The following HIP1 variants were observed in gnomAD, a reference collection of about 807,000 sequenced individuals.
HIP1 encodes the protein huntingtin-interacting protein 1.
In HIP1, 65 loss-of-function variants were observed where a neutral mutation model predicts 147.6. The ratio of observed to expected loss-of-function variants is 0.44; its 90% CI spans 0.36 to 0.54. The LOEUF is 0.54. Ranked by LOEUF, HIP1 falls within the 20% of genes least tolerant of loss-of-function variation. HIP1 has a pLI of 0.00. For synonymous variants in HIP1, 479 were observed against 504.0 expected, an observed-to-expected ratio of 0.95 and a Z score of 0.67; for missense variants, 1,061 against 1,299.6, an observed-to-expected ratio of 0.82 and a Z score of 2.82.
At chr7:75,553,715 C>A in intron 21 of HIP1, 126 bp from the exon 22 acceptor site, 1 of 827,282 alleles carries the variant, frequency 1.2e-6, no homozygotes. Context: ...AAGCGATTCT[C>A]CTGCCTCGGC....
chr7:75,658,531 C>A (rs1235391295), intron 1 of HIP1, among the ~76,000 whole-genome samples: 5 of 152,172 alleles, frequency 3.3e-5, no homozygotes, highest in African/African-American at 1.2e-4. Context: ...ATTTTGCGGG[C>A]AGGAAAGGAG....
intron 27 of HIP1, 23 bp from the exon 28 acceptor site, chr7:75,542,997 G>T (rs782818564): frequency 2.6e-5 from 41 of 1,603,822 alleles, no homozygotes; most frequent in Non-Finnish European, 3.4e-5. Context: ...AGCAGATTTA[G>T]GTTCATACAA....
At chr7:75,540,757 T>C (rs1399941618) in intron 29 of HIP1, among the ~76,000 whole-genome samples, 1 of 152,196 alleles carries the variant, frequency 6.6e-6, no homozygotes, top group Non-Finnish European at 1.5e-5. Context: ...CTATTTTACA[T>C]AATATGACTT....
chr7:75,563,177 G>A lies in HIP1; in HGVS notation c.879+11C>T, dbSNP rs1554494923. The A allele has an allele frequency of 1.2e-6, 2 of 1,614,046 alleles. No homozygotes were observed. The highest frequency in any genetic ancestry group is 4.5e-5 in the East Asian group (2 of 44,902). ...CTGCAGTGCCGAGGGTGTGTGGTTG[G>A]GCATGCTTACCTCAGGCAGCTGGGG... On this transcript the variant is annotated intron_variant, in intron 10 of 30. Coordinates refer to ENST00000336926, the MANE Select transcript of HIP1 (RefSeq NM_005338.7).
intron 1 of HIP1, among the ~76,000 whole-genome samples, chr7:75,629,265 G>A (rs1651217928): frequency 1.3e-5 from 2 of 152,124 alleles, no homozygotes; most frequent in South Asian, 2.1e-4. Flanking sequence ...GCATATCCAC[G>A]TCTGATTGTC....
chr7:75,732,750 TCAC>T (rs1406019684), intron 1 of HIP1, among the ~76,000 whole-genome samples: 2 of 152,292 alleles, frequency 1.3e-5, no homozygotes, highest in East Asian at 3.9e-4. Context: ...ATCCCAGAAC[TCAC>T]CTACTACAGA....
chr7:75,726,238 C>T (rs909981319), intron 1 of HIP1, among the ~76,000 whole-genome samples: 2 of 151,652 alleles, frequency 1.3e-5, no homozygotes, highest in African/African-American at 4.8e-5. Flanking sequence ...TAGACATTAT[C>T]CAATGTGGTT....
At chr7:75,716,658 T>C (rs1801331704) in intron 1 of HIP1, among the ~76,000 whole-genome samples, 1 of 151,810 alleles carries the variant, frequency 6.6e-6, no homozygotes, top group Admixed American at 6.6e-5. Context: ...TAGCTGGGAC[T>C]ATAGGCGCCC....
intron 1 of HIP1, among the ~76,000 whole-genome samples, chr7:75,684,022 G>A (rs149455793): frequency 2.7e-4 from 41 of 152,096 alleles, no homozygotes; most frequent in African/African-American, 9.6e-4. Flanking sequence ...GGTGGCTCAC[G>A]CATCCCAGCA....
intron 1 of HIP1, among the ~76,000 whole-genome samples, chr7:75,676,427 C>T (rs1295275471): frequency 1.3e-5 from 2 of 152,170 alleles, no homozygotes; most frequent in Non-Finnish European, 1.5e-5. Flanking sequence ...TGGGCACACA[C>T]GCAGCCAACA....
At chr7:75,572,716 T>C (rs1349912030) in intron 8 of HIP1, among the ~76,000 whole-genome samples, 1 of 152,156 alleles carries the variant, frequency 6.6e-6, no homozygotes, top group Non-Finnish European at 1.5e-5. Flanking sequence ...CTCCCTGTGC[T>C]CTTGAGGGTC....
intron 1 of HIP1, among the ~76,000 whole-genome samples, chr7:75,666,582 G>A (rs978144647): frequency 6.6e-6 from 1 of 152,222 alleles, no homozygotes; most frequent in African/African-American, 2.4e-5. Context: ...CCACTGCGTG[G>A]TCTTCTACAG....
At chr7:75,626,467 T>C (rs1554508021) in intron 1 of HIP1, 1 of 152,238 alleles carries the variant, frequency 6.6e-6, no homozygotes, top group Non-Finnish European at 1.5e-5. Flanking sequence ...ATTGACTGAA[T>C]GATACATGTC....
intron 5 of HIP1, among the ~76,000 whole-genome samples, chr7:75,584,740 C>T (rs969354947): frequency 1.3e-5 from 2 of 152,158 alleles, no homozygotes; most frequent in Non-Finnish European, 1.5e-5. Flanking sequence ...TCCCAGTCCT[C>T]TTCCTCCTTA....
intron 1 of HIP1, among the ~76,000 whole-genome samples, chr7:75,672,925 A>G (rs1554515513): frequency 6.6e-6 from 1 of 152,112 alleles, no homozygotes; most frequent in Non-Finnish European, 1.5e-5. Flanking sequence ...TGGACCCCCA[A>G]TTCCATTGCA....
In HIP1 at chr7:75,537,771, C is replaced by A; in HGVS notation, c.*401G>T. On this transcript the variant is annotated 3_prime_UTR_variant, in exon 31 of 31. Transcript: ENST00000336926. Reference sequence around the variant, plus strand: ...CAGAAAAGAAAAGGCATAAGATCTTCCCTTTCCAAGCTGTCAACAAACAAC... The same window carrying A: ...CAGAAAAGAAAAGGCATAAGATCTTACCTTTCCAAGCTGTCAACAAACAAC... The A allele has an allele frequency of 3.7e-6, 1 of 272,574 alleles. No homozygotes were observed. Among genetic ancestry groups the A allele is most frequent in the Non-Finnish European group, 7.0e-6 (1 of 142,404 alleles). The allele number at this position is 272,574 out of a possible 1,614,324, so 16.9% of individuals were successfully genotyped here.
chr7:75,555,896 G>A (rs1554493150), intron 18 of HIP1, 130 bp downstream of exon 18: 4 of 1,106,906 alleles, frequency 3.6e-6, no homozygotes, highest in African/African-American at 1.6e-5. Context: ...CCTACAGAAT[G>A]TCTGCACAAT....
intron 1 of HIP1, among the ~76,000 whole-genome samples, chr7:75,678,063 G>A (rs118174510): frequency 6.6e-6 from 1 of 151,900 alleles, no homozygotes; most frequent in East Asian, 1.9e-4. Flanking sequence ...AGATTCACTT[G>A]CTTACTGTCT....
At chr7:75,639,470 T>A (rs1688405751) in intron 1 of HIP1, among the ~76,000 whole-genome samples, 1 of 151,360 alleles carries the variant, frequency 6.6e-6, no homozygotes, top group Non-Finnish European at 1.5e-5. Flanking sequence ...GGCGAGGATG[T>A]GATTTGAATA....
Sources: gnomAD v4.1 joint callset for allele counts (sites outside exome capture counted in the v4.1 genomes callset) on GRCh38, gnomAD v4.1.1 for gene constraint, MANE v1.5 for transcripts, NCBI Gene and HGNC (gene_info 2026-07-23, HGNC 2026-07-21) for gene names.